The following OLFM2 variants were observed in gnomAD, a reference collection of about 807,000 sequenced individuals.
OLFM2 encodes olfactomedin 2.
Under a neutral mutation model 43.9 loss-of-function variants are expected in OLFM2, and 20 were observed. The ratio of observed to expected loss-of-function variants is 0.46; its 90% CI spans 0.32 to 0.66. OLFM2 has a LOEUF of 0.66. Ranked by LOEUF, OLFM2 falls within the 30% of genes least tolerant of loss-of-function variation. The pLI is 0.04. For synonymous variants in OLFM2, 268 were observed against 278.6 expected (o/e 0.96, Z 0.38); for missense variants, 416 against 643.6 (o/e 0.65, Z 3.83).
At chr19:9,901,322 A>G (rs561351652) in intron 1 of OLFM2, among the ~76,000 whole-genome samples, 49 of 151,628 alleles carry the variant, frequency 3.2e-4, no homozygotes, top group African/African-American at 1.2e-3. Context: ...ACTACTTGGG[A>G]GGCTGAGGAA....
intron 1 of OLFM2, among the ~76,000 whole-genome samples, chr19:9,925,563 C>G (rs2086447669): frequency 6.6e-6 from 1 of 151,874 alleles, no homozygotes; most frequent in East Asian, 2.0e-4. Context: ...ATCCTCCCAC[C>G]TCAGCCTCCC....
chr19:9,913,644 CGCCCGCCGCGCGTCCCTTCTCTG>C (rs1373778479), intron 1 of OLFM2: 5 of 1,246,276 alleles, frequency 4.0e-6, no homozygotes, highest in East Asian at 4.2e-5. Flanking sequence ...GCCCCGCGGC[CGCCCGCCGCGCGTCCCTTCTCTG>C]GCCCGCCGCG....
chr19:9,919,174 C>CTTTTTTTTT lies in OLFM2; in HGVS notation c.63+17129_63+17130insAAAAAAAAA, dbSNP rs201501920. On this transcript the variant is annotated intron_variant, in intron 1 of 5. Coordinates refer to ENST00000264833, the MANE Select transcript of OLFM2 (RefSeq NM_058164.4). ...CAACGCAGTGAGACCTCATTTCTCTCTCTTTTTTTTGAGATGGAGTCTCGC... is the reference window on the plus strand; with the variant it reads ...CAACGCAGTGAGACCTCATTTCTCTCTTTTTTTTTTCTTTTTTTTGAGATGGAGTCTCGC... Among the ~76,000 whole-genome samples, 500 of 123,088 alleles carry CTTTTTTTTT rather than the reference C, an allele frequency of 4.1e-3. 5 individuals carry two copies. Among genetic ancestry groups the CTTTTTTTTT allele is most frequent in the African/African-American group, 0.014 (470 of 33,050 alleles). 80.8% of individuals were successfully genotyped at this position (123,088 alleles called of 152,430 possible). A position where few individuals can be genotyped will look rare whatever the true frequency, so the allele number is the denominator to read the frequency against.
At chr19:9,900,984 A>AAGGG (rs1568380513) in intron 1 of OLFM2, among the ~76,000 whole-genome samples, 1 of 31,966 alleles carries the variant, frequency 3.1e-5, no homozygotes, top group African/African-American at 2.8e-4. Context: ...GGAAGGAAGG[A>AAGGG]AGGAAGGGAG....
chr19:9,895,470 G>C (rs1371861371), intron 1 of OLFM2, among the ~76,000 whole-genome samples: 1 of 151,230 alleles, frequency 6.6e-6, no homozygotes, highest in African/African-American at 2.4e-5. Flanking sequence ...ACTCCAGCCT[G>C]GGTGACAGAG....
At chr19:9,909,638 G>C (rs1212179267) in intron 1 of OLFM2, among the ~76,000 whole-genome samples, 2 of 152,140 alleles carry the variant, frequency 1.3e-5, no homozygotes, top group Non-Finnish European at 2.9e-5. Context: ...TCCGCCTCCT[G>C]ACTTTGGGAA....
chr19:9,913,625 C>A (rs1336992141), intron 1 of OLFM2: 4 of 1,290,808 alleles, frequency 3.1e-6, no homozygotes, highest in Non-Finnish European at 4.0e-6. Flanking sequence ...CATCGCGCCT[C>A]CGCCTCATGC....
intron 1 of OLFM2, among the ~76,000 whole-genome samples, chr19:9,921,960 G>T (rs556077149): frequency 6.6e-6 from 1 of 152,180 alleles, no homozygotes; most frequent in African/African-American, 2.4e-5. Context: ...TGGGTGTGGT[G>T]GTGTGCACCT....
chr19:9,917,698 C>G (rs1347037128), intron 1 of OLFM2, among the ~76,000 whole-genome samples: 1 of 152,114 alleles, frequency 6.6e-6, no homozygotes, highest in Non-Finnish European at 1.5e-5. Context: ...CTTCTCAACT[C>G]TTTCTTCTCC....
chr19:9,874,328 C>CT (rs35985373), intron 1 of OLFM2, among the ~76,000 whole-genome samples: 2,378 of 120,172 alleles, frequency 0.02, 156 homozygotes, highest in East Asian at 0.15. Flanking sequence ...CCCCACTGGC[C>CT]TTTTTTTTTT....
Position 9,895,487 on chromosome 19 carries a change from CCT to C in OLFM2, c.64-34695_64-34694del, listed in dbSNP as rs1435103559. Among the ~76,000 whole-genome samples, 3 of 139,728 alleles carry C rather than the reference CCT, an allele frequency of 2.1e-5. No individual in the cohort carries two copies. In the Admixed American group the frequency reaches 2.4e-4, roughly 11 times the overall value. The allele number at this position is 139,728 out of a possible 152,430, so 91.7% of individuals were successfully genotyped here. A position where few individuals can be genotyped will look rare whatever the true frequency, so the allele number is the denominator to read the frequency against. ...TCCAGCCTGGGTGACAGAGTGAGAC[CCT>C]GTCTCAAATAAATAAATAAATAAAT... On this transcript the variant is annotated intron_variant, in intron 1 of 5. Coordinates refer to ENST00000264833, the MANE Select transcript of OLFM2 (RefSeq NM_058164.4).
rs2046803613 is a variant in OLFM2 at position 9,908,667 on chromosome 19, C to CG, written c.63+27636dup. Reference sequence around the variant, plus strand: ...CTAATTATTGTATTTTTAGTAGAGACGGGGTTTCACCATGTTAGCCAGGAT... The same window carrying CG: ...CTAATTATTGTATTTTTAGTAGAGACGGGGGTTTCACCATGTTAGCCAGGAT... On this transcript the variant is annotated intron_variant, in intron 1 of 5. Transcript: ENST00000264833. Among the ~76,000 whole-genome samples the CG allele has an allele frequency of 5.3e-5, 8 of 151,524 alleles. No homozygotes were observed. In the South Asian group the frequency reaches 1.7e-3, roughly 32 times the overall value.
intron 1 of OLFM2, among the ~76,000 whole-genome samples, chr19:9,906,806 CG>C (rs1007040398): frequency 7.2e-5 from 11 of 152,102 alleles, no homozygotes; most frequent in African/African-American, 2.7e-4. Flanking sequence ...CTCTCTGCAG[CG>C]GCAGGCAGCA....
chr19:9,860,966 G>T lies in OLFM2; in HGVS notation c.64-172C>A, dbSNP rs538350624. On this transcript the variant is annotated intron_variant, in intron 1 of 5. Coordinates refer to ENST00000264833, the MANE Select transcript of OLFM2 (RefSeq NM_058164.4). ...CCCTCCTTAAGGAGCCTCATTTCAC[G>T]GATGGCAAGACTGAGGTGCGGAGGG... 2.0e-5 allele frequency among the ~76,000 whole-genome samples: 3 copies of T among 152,246 alleles called. No homozygotes were observed. In the South Asian group the frequency reaches 6.2e-4, roughly 32 times the overall value.
intron 1 of OLFM2, among the ~76,000 whole-genome samples, chr19:9,911,843 A>C (rs763536355): frequency 2.6e-5 from 4 of 152,118 alleles, no homozygotes; most frequent in Non-Finnish European, 4.4e-5. Flanking sequence ...ATGAGATACC[A>C]TCTCTCTCCC....
chr19:9,903,517 C>T (rs577470775), intron 1 of OLFM2, among the ~76,000 whole-genome samples: 3 of 152,348 alleles, frequency 2.0e-5, no homozygotes, highest in South Asian at 4.1e-4. Flanking sequence ...AACATTCCTA[C>T]GCTCCTTTCA....
chr19:9,864,574 T>C (rs946544132), intron 1 of OLFM2, among the ~76,000 whole-genome samples: 10 of 152,134 alleles, frequency 6.6e-5, no homozygotes, highest in African/African-American at 2.4e-4. Flanking sequence ...GTGCTGGGAT[T>C]GCAGGCGAGA....
At chr19:9,862,023 GAAAAAAAAA>G (rs3075649) in intron 1 of OLFM2, among the ~76,000 whole-genome samples, 2 of 120,354 alleles carry the variant, frequency 1.7e-5, no homozygotes, top group Admixed American at 8.3e-5. Flanking sequence ...CCGTCTCAAA[GAAAAAAAAA>G]AAAAAAAAAA....
intron 1 of OLFM2, among the ~76,000 whole-genome samples, chr19:9,908,069 C>T (rs1257272050): frequency 6.6e-6 from 1 of 151,986 alleles, no homozygotes. Flanking sequence ...TCCCCCTCCC[C>T]ACGACATGAT....
Sources: allele counts gnomAD v4.1 joint callset (sites outside exome capture counted in the v4.1 genomes callset), GRCh38; gene constraint gnomAD v4.1.1; transcripts MANE v1.5; gene names NCBI Gene and HGNC (gene_info 2026-07-23, HGNC 2026-07-21).